ANO4: variants seen among roughly 807,000 people sequenced by gnomAD.
ANO4 encodes anoctamin 4, also known as anoctamin-4.
Under a neutral mutation model 141.9 loss-of-function variants are expected in ANO4, and 69 were observed. That is an observed-to-expected ratio of 0.49 (90% confidence interval 0.40 to 0.59). The LOEUF is 0.59. ANO4 is among the 20% of genes least tolerant of loss of function. ANO4 has a pLI of 0.00. For synonymous variants in ANO4, 350 were observed against 394.3 expected, an observed-to-expected ratio of 0.89 and a Z score of 1.33; for missense variants, 894 against 1,162.2, an observed-to-expected ratio of 0.77 and a Z score of 3.36.
chr12:100,737,950 A>T (rs2031685497), intron 2 of ANO4, among the ~76,000 whole-genome samples: 1 of 152,074 alleles, frequency 6.6e-6, no homozygotes, highest in Non-Finnish European at 1.5e-5. Context: ...GTCTTGCCCA[A>T]AGCAGGGGGG....
At chr12:101,105,581 G>A (rs2050407872) in intron 22 of ANO4, among the ~76,000 whole-genome samples, 2 of 152,036 alleles carry the variant, frequency 1.3e-5, no homozygotes, top group African/African-American at 2.4e-5. Flanking sequence ...AAGATTACTA[G>A]GTATGCAAAA....
intron 22 of ANO4, among the ~76,000 whole-genome samples, chr12:101,105,452 AACT>A (rs2050402462): frequency 6.6e-6 from 1 of 152,238 alleles, no homozygotes; most frequent in South Asian, 2.1e-4. Context: ...AAAATGTAAA[AACT>A]ATTCTTAGCT....
intron 5 of ANO4, among the ~76,000 whole-genome samples, chr12:100,966,233 G>C (rs1271289665): frequency 6.6e-6 from 1 of 152,156 alleles, no homozygotes; most frequent in Non-Finnish European, 1.5e-5. Context: ...CCCTCTTGGA[G>C]ATAACAACAA....
intron 5 of ANO4, among the ~76,000 whole-genome samples, chr12:100,961,543 TG>T (rs2043425259): frequency 6.6e-6 from 1 of 152,194 alleles, no homozygotes; most frequent in African/African-American, 2.4e-5. Flanking sequence ...AACTTTATCA[TG>T]GCACTAGCCG....
At chr12:100,985,657 G>T (rs1476455488) in intron 7 of ANO4, among the ~76,000 whole-genome samples, 2 of 152,108 alleles carry the variant, frequency 1.3e-5, no homozygotes, top group Non-Finnish European at 2.9e-5. Context: ...GGGGCGGAGG[G>T]TTCTCTTGGG....
chr12:100,971,855 T>TA (rs35743193), intron 6 of ANO4, among the ~76,000 whole-genome samples: 36,620 of 148,110 alleles, frequency 0.25, 5,088 homozygotes, highest in East Asian at 0.41. Flanking sequence ...ATCTTCTTTT[T>TA]AAAAAAAAAA....
chr12:100,906,010 A>G (rs1379496473), intron 2 of ANO4, among the ~76,000 whole-genome samples: 3 of 152,152 alleles, frequency 2.0e-5, no homozygotes. Flanking sequence ...GAGAGAGAGA[A>G]AGAAAGATAT....
At chr12:100,840,664 A>G (rs749794080) in intron 1 of ANO4, among the ~76,000 whole-genome samples, 6 of 152,190 alleles carry the variant, frequency 3.9e-5, no homozygotes, top group Non-Finnish European at 8.8e-5. Context: ...TCCCTCAGAC[A>G]TGTGAAGGCA....
rs573894280 is a variant in ANO4 at position 100,976,785 on chromosome 12, GA to G, written c.602+1898del. Reference sequence around the variant, plus strand: ...CAAAAACCAATATCAAAGAAAACCTGAAGGAAACACAGCAAGGTGAAGAGAG... The same window carrying G: ...CAAAAACCAATATCAAAGAAAACCTGAGGAAACACAGCAAGGTGAAGAGAG... On this transcript the variant is annotated intron_variant, in intron 7 of 27. Transcript: ENST00000392977. Among the ~76,000 whole-genome samples, 16 of 152,342 alleles carry G rather than the reference GA, an allele frequency of 1.1e-4. No individual in the cohort carries two copies. The South Asian group carries it at 3.3e-3, about 32-fold the overall frequency.
intron 1 of ANO4, among the ~76,000 whole-genome samples, chr12:100,849,662 G>C (rs1267073530): frequency 6.6e-6 from 1 of 152,104 alleles, no homozygotes; most frequent in African/African-American, 2.4e-5. Flanking sequence ...TGGATTTTTA[G>C]GTGACCGTTT....
At chr12:100,793,820 A>G (rs1321757097), upstream of ANO4, among the ~76,000 whole-genome samples, 2 of 152,218 alleles carry the variant, frequency 1.3e-5, no homozygotes, top group African/African-American at 2.4e-5. Context: ...GACAAAGTTT[A>G]TAAGTTCAAT....
intron 5 of ANO4, among the ~76,000 whole-genome samples, chr12:100,952,521 G>A (rs2043011192): frequency 6.6e-6 from 1 of 152,142 alleles, no homozygotes; most frequent in Non-Finnish European, 1.5e-5. Context: ...CACCTCTTGG[G>A]CTGAGAGTCC....
At chr12:101,027,258 G>A (rs762812360) in intron 9 of ANO4, among the ~76,000 whole-genome samples, 7 of 152,166 alleles carry the variant, frequency 4.6e-5, no homozygotes, top group East Asian at 3.8e-4. Context: ...AGGAACCCAC[G>A]CCACTGGGAC....
At chr12:100,959,129 C>CAG (rs1467065474) in intron 5 of ANO4, among the ~76,000 whole-genome samples, 1 of 151,974 alleles carries the variant, frequency 6.6e-6, no homozygotes, top group East Asian at 1.9e-4. Context: ...CACACACACA[C>CAG]AGTTCTGCTG....
chr12:101,049,559 GTGGATGGA>G (rs147983546), intron 14 of ANO4, among the ~76,000 whole-genome samples: 1 of 151,026 alleles, frequency 6.6e-6, no homozygotes, highest in Non-Finnish European at 1.5e-5. Flanking sequence ...GGATAGATAG[GTGGATGGA>G]TGGATGGATG....
intron 24 of ANO4, 100 bp from the exon 25 acceptor site, chr12:101,116,579 A>G: frequency 6.4e-7 from 1 of 1,552,976 alleles, no homozygotes; most frequent in Non-Finnish European, 8.8e-7. Flanking sequence ...AGTTAAAGGC[A>G]TTTACAATTG....
chr12:100,773,555 A>G (rs559071612), intron 3 of ANO4, among the ~76,000 whole-genome samples: 1 of 152,318 alleles, frequency 6.6e-6, no homozygotes, highest in Non-Finnish European at 1.5e-5. Context: ...ATTGGGAAGG[A>G]TCTTGTACTA....
At chr12:101,056,613 C>A (rs947393534) in intron 14 of ANO4, among the ~76,000 whole-genome samples, 1 of 151,956 alleles carries the variant, frequency 6.6e-6, no homozygotes, top group African/African-American at 2.4e-5. Context: ...TTAGGACCTC[C>A]AGAATAATGC....
upstream of ANO4, among the ~76,000 whole-genome samples, chr12:100,717,311 G>T (rs897577584): frequency 7.3e-5 from 11 of 151,650 alleles, no homozygotes; most frequent in African/African-American, 2.7e-4. Context: ...CCTCTCTCCT[G>T]CCGCTCTCGC....
Sources: gnomAD v4.1 joint callset for allele counts (sites outside exome capture counted in the v4.1 genomes callset) on GRCh38, gnomAD v4.1.1 for gene constraint, MANE v1.5 for transcripts, NCBI Gene and HGNC (gene_info 2026-07-23, HGNC 2026-07-21) for gene names.